LYPLA1: variants seen among roughly 807,000 people sequenced by gnomAD.
LYPLA1 encodes the protein lysophospholipase 1.
A neutral mutation model predicts 34.0 loss-of-function variants in LYPLA1; 17 were observed. The observed-to-expected ratio is 0.50, with a 90% CI of 0.34 to 0.75. The LOEUF (loss-of-function observed/expected upper bound fraction) is 0.75. Ranked by LOEUF, LYPLA1 falls within the 30% of genes least tolerant of loss-of-function variation. The probability of loss-of-function intolerance (pLI) is 0.01; values close to 1 mark genes in which losing one functional copy is unlikely to be tolerated. For missense variants in LYPLA1, 203 were observed against 288.8 expected, an observed-to-expected ratio of 0.70 and a Z score of 2.15; for synonymous variants, 98 against 100.8, an observed-to-expected ratio of 0.97 and a Z score of 0.17.
At chr8:54,075,351 C>T (rs1037150677) in intron 2 of LYPLA1, among the ~76,000 whole-genome samples, 4 of 152,122 alleles carry the variant, frequency 2.6e-5, no homozygotes, top group African/African-American at 9.7e-5. Flanking sequence ...AATCAACAGC[C>T]GATTTGGATA....
At position 54,052,300 on chromosome 8, in the gene LYPLA1, G is replaced by A. The variant is rs992244652; in HGVS notation, c.462+355C>T. On this transcript the variant is annotated intron_variant, in intron 7 of 8. Coordinates refer to ENST00000316963, the MANE Select transcript of LYPLA1 (RefSeq NM_006330.4). The stretch of plus-strand genomic sequence containing the variant: ...TACTCCACAATACAGACAGTATAGC[G>A]TACAGAAATAAGGCCTAGTAATACA... Among the ~76,000 whole-genome samples the A allele has an allele frequency of 5.3e-5, 8 of 151,942 alleles. No homozygotes were observed. The East Asian group carries it at 5.8e-4, about 11-fold the overall frequency.
intron 2 of LYPLA1, among the ~76,000 whole-genome samples, chr8:54,072,953 G>C: frequency 7.4e-6 from 1 of 135,712 alleles, no homozygotes; most frequent in South Asian, 2.3e-4. Context: ...AAAAAAAAAA[G>C]ACATACATGT....
intron 2 of LYPLA1, among the ~76,000 whole-genome samples, chr8:54,084,503 G>A (rs1478852420): frequency 2.7e-5 from 4 of 150,674 alleles, no homozygotes; most frequent in South Asian, 2.1e-4. Flanking sequence ...CCTGGGAGGC[G>A]GAGGTAGCAG....
At chr8:54,057,300 ATC>A (rs1806273599) in intron 5 of LYPLA1, among the ~76,000 whole-genome samples, 1 of 152,154 alleles carries the variant, frequency 6.6e-6, no homozygotes, top group Non-Finnish European at 1.5e-5. Flanking sequence ...TTGGGTATAT[ATC>A]TTTTGGGATA....
chr8:54,074,284 G>C (rs958700513), intron 2 of LYPLA1, among the ~76,000 whole-genome samples: 2 of 152,136 alleles, frequency 1.3e-5, no homozygotes, highest in Non-Finnish European at 2.9e-5. Context: ...AGATTAAAAA[G>C]ACTGTTTCTT....
At chr8:54,055,881 T>G (rs1806174046) in intron 5 of LYPLA1, among the ~76,000 whole-genome samples, 1 of 152,038 alleles carries the variant, frequency 6.6e-6, no homozygotes, top group Non-Finnish European at 1.5e-5. Flanking sequence ...GAACTCGAGA[T>G]CCGCCCGCCT....
At chr8:54,085,812 G>A (rs1460070075) in intron 2 of LYPLA1, among the ~76,000 whole-genome samples, 9 of 143,990 alleles carry the variant, frequency 6.3e-5, no homozygotes, top group Admixed American at 4.7e-4. Flanking sequence ...CGAGGTGGGG[G>A]GGGGGCAGCC....
At chr8:54,055,623 A>C (rs1032251523) in intron 5 of LYPLA1, among the ~76,000 whole-genome samples, 3 of 151,802 alleles carry the variant, frequency 2.0e-5, no homozygotes, top group African/African-American at 7.3e-5. Context: ...ATCTTCACAG[A>C]AATAGAAAAA....
chr8:54,052,544 C>G (rs1805916883), intron 7 of LYPLA1, 111 bp downstream of exon 7: 3 of 700,734 alleles, frequency 4.3e-6, no homozygotes, highest in African/African-American at 1.8e-5. Context: ...TAGAACTTCT[C>G]CAAAAAATAA....
intron 2 of LYPLA1, among the ~76,000 whole-genome samples, chr8:54,093,506 C>T (rs1425610812): frequency 1.3e-5 from 2 of 152,096 alleles, no homozygotes; most frequent in Non-Finnish European, 2.9e-5. Context: ...ACGGATCTTC[C>T]GTTAAAGAGA....
intron 2 of LYPLA1, chr8:54,073,096 T>G (rs1227184889): frequency 1.5e-6 from 1 of 653,950 alleles, no homozygotes; most frequent in Non-Finnish European, 2.9e-6. Flanking sequence ...TCGTTAAGGG[T>G]TGGGCCATCA....
chr8:54,063,606 C>T (rs1010642224), intron 3 of LYPLA1, among the ~76,000 whole-genome samples: 3 of 152,218 alleles, frequency 2.0e-5, no homozygotes, highest in African/African-American at 7.2e-5. Context: ...TTGACAGATA[C>T]ATTTTCCCTT....
chr8:54,069,158 G>A (rs1048530494), intron 2 of LYPLA1, among the ~76,000 whole-genome samples: 2 of 152,138 alleles, frequency 1.3e-5, no homozygotes, highest in Non-Finnish European at 2.9e-5. Flanking sequence ...AATGATGAAA[G>A]GAATAAATTC....
intron 3 of LYPLA1, among the ~76,000 whole-genome samples, chr8:54,065,079 C>T (rs1806950898): frequency 6.6e-6 from 1 of 152,064 alleles, no homozygotes; most frequent in Admixed American, 6.6e-5. Context: ...ATCAACATTG[C>T]CCCAAACGAT....
At chr8:54,074,553 CA>C (rs1191368453) in intron 2 of LYPLA1, among the ~76,000 whole-genome samples, 2 of 152,232 alleles carry the variant, frequency 1.3e-5, no homozygotes, top group African/African-American at 4.8e-5. Flanking sequence ...TGAAAGGAAT[CA>C]AATGGCTGAT....
chr8:54,052,993 A>C lies in LYPLA1; in HGVS notation c.361-237T>G, dbSNP rs1351108688. 3 of 448,856 alleles carry C rather than the reference A, an allele frequency of 6.7e-6. No individual in the cohort carries two copies. The East Asian group carries it at 9.2e-5, about 14-fold the overall frequency. The allele number at this position is 448,856 out of a possible 1,614,324, so 27.8% of individuals were successfully genotyped here. ...ACGAGACATAGTTTGTACCATGGGAAACTGCTGCACTTACAACATGCCTTA... is the reference window on the plus strand; with the variant it reads ...ACGAGACATAGTTTGTACCATGGGACACTGCTGCACTTACAACATGCCTTA... On this transcript the variant is annotated intron_variant, in intron 6 of 8. Transcript: ENST00000316963.
chr8:54,052,891 C>T (rs1179829836), intron 6 of LYPLA1, 135 bp from the exon 7 acceptor site: 11 of 613,132 alleles, frequency 1.8e-5, no homozygotes, highest in African/African-American at 7.3e-5. Context: ...AGGCAAATAT[C>T]GGAAATACAA....
chr8:54,052,857 T>C (rs2129324739), intron 6 of LYPLA1, 101 bp from the exon 7 acceptor site: 1 of 704,028 alleles, frequency 1.4e-6, no homozygotes, highest in Non-Finnish European at 2.5e-6. Flanking sequence ...AAATCAAACT[T>C]GGTGGCTGGT....
At chr8:54,084,124 G>GGAAAAAAAAAAAAA (rs1554547911) in intron 2 of LYPLA1, among the ~76,000 whole-genome samples, 3 of 56,382 alleles carry the variant, frequency 5.3e-5, no homozygotes, top group African/African-American at 2.7e-4. Context: ...GGAGACCAAA[G>GGAAAAAAAAAAAAA]AAAAAAAAAA....
Sources: allele counts gnomAD v4.1 joint callset (sites outside exome capture counted in the v4.1 genomes callset), GRCh38; gene constraint gnomAD v4.1.1; transcripts MANE v1.5; gene names NCBI Gene and HGNC (gene_info 2026-07-23, HGNC 2026-07-21).